Variants in PIK3CB observed in about 807,000 individuals in gnomAD.
PIK3CB encodes the protein phosphatidylinositol 4,5-bisphosphate 3-kinase catalytic subunit beta isoform.
PIK3CB carries 39 observed loss-of-function variants against 136.8 expected under a neutral mutation model. The ratio of observed to expected loss-of-function variants is 0.29; its 90% CI spans 0.22 to 0.37. The LOEUF is 0.37. PIK3CB is among the 10% of genes least tolerant of loss of function. The pLI, the probability that PIK3CB is intolerant of heterozygous loss-of-function variation, is 1.00. For synonymous variants in PIK3CB, 428 were observed against 436.6 expected (o/e 0.98, Z 0.25); for missense variants, 868 against 1,275.4 (o/e 0.68, Z 4.87).
intron 8 of PIK3CB, among the ~76,000 whole-genome samples, chr3:138,719,149 C>T (rs1239161200): frequency 6.7e-6 from 1 of 150,304 alleles, no homozygotes; most frequent in Non-Finnish European, 1.5e-5. Context: ...AAGATTTACA[C>T]AACAGCACTT....
intron 8 of PIK3CB, among the ~76,000 whole-genome samples, chr3:138,724,842 T>C (rs1265572256): frequency 6.6e-6 from 1 of 152,150 alleles, no homozygotes; most frequent in Non-Finnish European, 1.5e-5. Flanking sequence ...ATGTCACAAT[T>C]TGTAAAAAGG....
intron 21 of PIK3CB, among the ~76,000 whole-genome samples, chr3:138,660,042 T>C (rs2043265946): frequency 6.6e-6 from 1 of 151,804 alleles, no homozygotes; most frequent in Admixed American, 6.6e-5. Context: ...TGAGTCTCTA[T>C]TGTTTCTGGA....
At chr3:138,672,975 A>G (rs181459091) in intron 19 of PIK3CB, among the ~76,000 whole-genome samples, 8 of 151,710 alleles carry the variant, frequency 5.3e-5, no homozygotes, top group Non-Finnish European at 1.2e-4. Context: ...GTCTAAGCAG[A>G]AAAAAAATAC....
chr3:138,804,750 A>T (rs537276896), intron 1 of PIK3CB, among the ~76,000 whole-genome samples: 4 of 151,950 alleles, frequency 2.6e-5, no homozygotes, highest in African/African-American at 9.7e-5. Flanking sequence ...TATGGCCGGG[A>T]ACGGTGGCTC....
intron 2 of PIK3CB, among the ~76,000 whole-genome samples, chr3:138,768,908 G>T (rs753111647): frequency 4.6e-5 from 7 of 152,248 alleles, no homozygotes; most frequent in Admixed American, 1.3e-4. Flanking sequence ...TGAGAGGGCA[G>T]AGTGGGCCTT....
intron 2 of PIK3CB, among the ~76,000 whole-genome samples, chr3:138,795,037 C>T (rs2046093246): frequency 1.3e-5 from 2 of 151,766 alleles, no homozygotes; most frequent in Admixed American, 6.6e-5. Flanking sequence ...AAAATTATCT[C>T]AGCCGGGCGC....
rs559737571 is a variant in PIK3CB at position 138,825,427 on chromosome 3, T to C, written c.-122+9268A>G. ...CAAAATGGATTCCACTGAGCCACCC[T>C]ACAGCCAATACAGATATGAGGAAAT... is the stretch of plus-strand genomic sequence containing the variant. On this transcript the variant is annotated intron_variant, in intron 1 of 23. Coordinates refer to ENST00000674063, the MANE Select transcript of PIK3CB (RefSeq NM_006219.3). 3.7e-3 allele frequency: 2,538 copies of C among 677,258 alleles called. 12 individuals carry two copies. Among genetic ancestry groups the C allele is most frequent in the Middle Eastern group, 6.5e-3 (16 of 2,464 alleles). 42.0% of individuals were successfully genotyped at this position (677,258 alleles called of 1,614,324 possible). A position where few individuals can be genotyped will look rare whatever the true frequency, so the allele number is the denominator to read the frequency against.
At chr3:138,727,952 G>C (rs2044877054) in intron 8 of PIK3CB, among the ~76,000 whole-genome samples, 1 of 152,012 alleles carries the variant, frequency 6.6e-6, no homozygotes, top group Admixed American at 6.6e-5. Context: ...CCGCCTCCCA[G>C]GTTTCAGTGT....
intron 1 of PIK3CB, among the ~76,000 whole-genome samples, chr3:138,831,352 G>A (rs559250120): frequency 1.3e-5 from 2 of 152,076 alleles, no homozygotes; most frequent in South Asian, 4.1e-4. Context: ...CAGCACTTTG[G>A]GAGGCCGAGG....
intron 1 of PIK3CB, among the ~76,000 whole-genome samples, chr3:138,829,900 T>G (rs1933947405): frequency 6.6e-6 from 1 of 152,188 alleles, no homozygotes; most frequent in Non-Finnish European, 1.5e-5. Flanking sequence ...AGGTGTCATG[T>G]AGGCAGGCAG....
At position 138,652,909 on chromosome 3, in the gene PIK3CB, C is replaced by T. The variant is rs867856073; in HGVS notation, c.*2480G>A. 1 of 213,038 alleles carries T rather than the reference C, an allele frequency of 4.7e-6. No homozygotes were observed. The highest frequency in any genetic ancestry group is 9.5e-6 in the Non-Finnish European group (1 of 105,562). 13.2% of individuals were successfully genotyped at this position (213,038 alleles called of 1,614,324 possible). On this transcript the variant is annotated 3_prime_UTR_variant, in exon 24 of 24. Coordinates refer to ENST00000674063, the MANE Select transcript of PIK3CB (RefSeq NM_006219.3). Reference sequence around the variant, plus strand: ...ACAAAAATTAAAAATTAAGAATTTGCATTTTTAACCAGTTCTCTCTGGTGA... The same window carrying T: ...ACAAAAATTAAAAATTAAGAATTTGTATTTTTAACCAGTTCTCTCTGGTGA...
chr3:138,691,151 A>G lies in PIK3CB; in HGVS notation c.1893-8T>C, dbSNP rs764734566. 3 of 1,610,954 alleles carry G rather than the reference A, an allele frequency of 1.9e-6. No individual in the cohort carries two copies. Among genetic ancestry groups the G allele is most frequent in the South Asian group, 2.2e-5 (2 of 90,506 alleles). ...TGAGAAAGTTCTTCATCACTGAAAG[A>G]AACAAAAGACACAGTGAGTAACCAA... On this transcript the variant is annotated splice_region_variant and splice_polypyrimidine_tract_variant and intron_variant, in intron 14 of 23. Transcript: ENST00000674063.
chr3:138,704,988 T>C (rs574459116), intron 11 of PIK3CB, among the ~76,000 whole-genome samples: 81 of 151,280 alleles, frequency 5.4e-4, no homozygotes, highest in South Asian at 1.1e-3. Context: ...ATGGGGTCTA[T>C]GTTGCCCAAG....
intron 8 of PIK3CB, among the ~76,000 whole-genome samples, chr3:138,726,642 T>C (rs1210506984): frequency 6.6e-6 from 1 of 152,196 alleles, no homozygotes; most frequent in African/African-American, 2.4e-5. Flanking sequence ...CCTTTCCCAC[T>C]AGAGCTATAA....
intron 2 of PIK3CB, among the ~76,000 whole-genome samples, chr3:138,760,734 T>C (rs2045652105): frequency 6.6e-6 from 1 of 152,018 alleles, no homozygotes; most frequent in African/African-American, 2.4e-5. Context: ...AACAAGACCC[T>C]GTCTCTACAA....
intron 17 of PIK3CB, among the ~76,000 whole-genome samples, chr3:138,684,007 T>C (rs898302537): frequency 1.3e-5 from 2 of 152,212 alleles, no homozygotes; most frequent in African/African-American, 2.4e-5. Context: ...AAACCTAAGA[T>C]TGGCCCTTCT....
intron 8 of PIK3CB, among the ~76,000 whole-genome samples, chr3:138,718,672 A>G (rs2044662728): frequency 6.6e-6 from 1 of 152,170 alleles, no homozygotes; most frequent in Admixed American, 6.5e-5. Flanking sequence ...AGTAAATATA[A>G]GTGTACATTT....
At chr3:138,829,348 G>A (rs1428240372) in intron 1 of PIK3CB, among the ~76,000 whole-genome samples, 5 of 152,106 alleles carry the variant, frequency 3.3e-5, no homozygotes, top group Non-Finnish European at 7.3e-5. Context: ...ACTGGAACAG[G>A]AGAATAAGTA....
In PIK3CB at chr3:138,667,763, T is replaced by C. The variant is rs2043446727; in HGVS notation, c.2505-2560A>G. On this transcript the variant is annotated intron_variant, in intron 19 of 23. Coordinates refer to ENST00000674063, the MANE Select transcript of PIK3CB (RefSeq NM_006219.3). ...TTGTATTTTTAGTAGAGACGGGGTA[T>C]GCTTTTTTAAAAGCACTTTTCATCC... is the stretch of plus-strand genomic sequence containing the variant. 2.0e-5 allele frequency among the ~76,000 whole-genome samples: 3 copies of C among 151,632 alleles called. No homozygotes were observed. The East Asian group carries it at 5.9e-4, about 30-fold the overall frequency.
Sources: gnomAD v4.1 joint callset for allele counts (sites outside exome capture counted in the v4.1 genomes callset) on GRCh38, gnomAD v4.1.1 for gene constraint, MANE v1.5 for transcripts, NCBI Gene and HGNC (gene_info 2026-07-23, HGNC 2026-07-21) for gene names.